The following DPF3 variants were observed in gnomAD, a reference collection of about 807,000 sequenced individuals.
DPF3 encodes the protein double PHD fingers 3.
Under a neutral mutation model 56.8 loss-of-function variants are expected in DPF3, and 18 were observed. The observed-to-expected ratio is 0.32, with a 90% confidence interval of 0.22 to 0.47. The LOEUF (loss-of-function observed/expected upper bound fraction) is 0.47, where lower values mean the gene tolerates loss of function less well. Among genes scored for constraint, DPF3 ranks in the 20% least tolerant of loss-of-function variants. The probability of loss-of-function intolerance (pLI) is 1.00; values close to 1 mark genes in which losing one functional copy is unlikely to be tolerated. For synonymous variants in DPF3, 188 were observed against 180.2 expected, an observed-to-expected ratio of 1.04 and a Z score of -0.35; for missense variants, 403 against 488.8, an observed-to-expected ratio of 0.82 and a Z score of 1.65.
At chr14:72,693,460 C>T (rs1171892090) in intron 6 of DPF3, among the ~76,000 whole-genome samples, 1 of 152,140 alleles carries the variant, frequency 6.6e-6, no homozygotes. Context: ...AGCACTCCAC[C>T]GTTTCTAGCT....
chr14:72,743,374 A>AGCATCACCAGGATGCTG (rs1890205335), intron 3 of DPF3, among the ~76,000 whole-genome samples: 1 of 151,972 alleles, frequency 6.6e-6, no homozygotes, highest in Non-Finnish European at 1.5e-5. Flanking sequence ...CCCCATAGGG[A>AGCATCACCAGGATGCTG]GCATCACCAG....
At chr14:72,675,917 G>T (rs1479753627) in intron 7 of DPF3, 5 of 152,140 alleles carry the variant, frequency 3.3e-5, no homozygotes. Context: ...GAATGCTTTT[G>T]CAAATAATCT....
intron 1 of DPF3, chr14:72,880,001 T>A: frequency 7.0e-7 from 1 of 1,434,576 alleles, no homozygotes; most frequent in Non-Finnish European, 9.1e-7. Context: ...CTGAGTAGCC[T>A]GCACACTAGA....
chr14:72,752,590 G>C (rs1599409713), intron 3 of DPF3, among the ~76,000 whole-genome samples: 2 of 152,190 alleles, frequency 1.3e-5, no homozygotes, highest in African/African-American at 4.8e-5. Context: ...TTGGACTCGG[G>C]AGGCAGAGTC....
At chr14:72,717,885 G>A (rs368181006) in intron 5 of DPF3, among the ~76,000 whole-genome samples, 2 of 152,258 alleles carry the variant, frequency 1.3e-5, no homozygotes, top group East Asian at 3.9e-4. Context: ...CTCTCTACCA[G>A]TATTCCCACA....
At position 72,723,619 on chromosome 14, in the gene DPF3, C is replaced by T; in HGVS notation, c.525+14G>A. 6.4e-7 allele frequency: 1 copy of T among 1,556,922 alleles called. No individual in the cohort carries two copies. The highest frequency in any genetic ancestry group is 1.2e-5 in the South Asian group (1 of 80,842). On this transcript the variant is annotated intron_variant, in intron 5 of 10. Transcript: ENST00000556509. ...CCCTCATCTCTTTCCTCGCTCATGT[C>T]ATCCCCAACTTACCCGTCCTCTAGT...
intron 6 of DPF3, among the ~76,000 whole-genome samples, chr14:72,710,547 C>A (rs1888606688): frequency 6.6e-6 from 1 of 152,212 alleles, no homozygotes. Context: ...CCAGTATACA[C>A]AAGAATCCCC....
intron 5 of DPF3, among the ~76,000 whole-genome samples, chr14:72,719,015 C>G (rs1889056587): frequency 6.6e-6 from 1 of 150,770 alleles, no homozygotes; most frequent in South Asian, 2.1e-4. Flanking sequence ...CGTGATCCAC[C>G]CGCCTTGGCC....
chr14:72,670,193 GA>G (rs1886606691), intron 8 of DPF3: 1 of 985,898 alleles, frequency 1.0e-6, no homozygotes, highest in African/African-American at 1.7e-5. Context: ...GGAAACACAC[GA>G]TGATGTCTCC....
At chr14:72,711,573 G>A (rs1327495799) in intron 6 of DPF3, among the ~76,000 whole-genome samples, 1 of 152,130 alleles carries the variant, frequency 6.6e-6, no homozygotes, top group African/African-American at 2.4e-5. Flanking sequence ...GGAGTGCCAT[G>A]CTTAAGTGTA....
chr14:72,655,505 G>A (rs910125184), intron 8 of DPF3, among the ~76,000 whole-genome samples: 2 of 152,146 alleles, frequency 1.3e-5, no homozygotes, highest in African/African-American at 4.8e-5. Flanking sequence ...AAACTGGAGT[G>A]GAATTCAGAT....
chr14:72,864,571 C>T (rs1233821960), intron 1 of DPF3, among the ~76,000 whole-genome samples: 1 of 152,206 alleles, frequency 6.6e-6, no homozygotes, highest in African/African-American at 2.4e-5. Flanking sequence ...TTCTTCCCCT[C>T]CTACAAGATT....
chr14:72,760,134 C>A (rs574280454), intron 2 of DPF3, among the ~76,000 whole-genome samples: 5 of 152,238 alleles, frequency 3.3e-5, no homozygotes, highest in South Asian at 2.1e-4. Flanking sequence ...AGATGTTTTT[C>A]TTATTATTTT....
chr14:72,715,660 C>T (rs1487617972), intron 5 of DPF3, among the ~76,000 whole-genome samples: 1 of 152,000 alleles, frequency 6.6e-6, no homozygotes, highest in African/African-American at 2.4e-5. Context: ...ACTCCATGTA[C>T]ACACTCACCG....
At chr14:72,710,925 T>C (rs1743292628) in intron 6 of DPF3, among the ~76,000 whole-genome samples, 1 of 152,216 alleles carries the variant, frequency 6.6e-6, no homozygotes, top group Non-Finnish European at 1.5e-5. Context: ...TTCAGGTGAT[T>C]TAACATTTCT....
chr14:72,657,944 C>A (rs1303802425), intron 8 of DPF3, among the ~76,000 whole-genome samples: 1 of 152,166 alleles, frequency 6.6e-6, no homozygotes, highest in African/African-American at 2.4e-5. Flanking sequence ...ATAACCTCCT[C>A]TCCAACCCAA....
At chr14:72,841,109 G>A (rs1884526831) in intron 1 of DPF3, among the ~76,000 whole-genome samples, 1 of 151,894 alleles carries the variant, frequency 6.6e-6, no homozygotes, top group Non-Finnish European at 1.5e-5. Flanking sequence ...TGAGGGAGCA[G>A]TGTGTGAAAT....
At chr14:72,859,661 G>A (rs991460789) in intron 1 of DPF3, among the ~76,000 whole-genome samples, 1 of 152,148 alleles carries the variant, frequency 6.6e-6, no homozygotes, top group African/African-American at 2.4e-5. Flanking sequence ...AGAACAGCTT[G>A]ACTACTGGGG....
chr14:72,806,049 T>C (rs1387375112), intron 1 of DPF3: 1 of 152,204 alleles, frequency 6.6e-6, no homozygotes, highest in Non-Finnish European at 1.5e-5. Flanking sequence ...CTCCTTTCCC[T>C]TCACCTTCCT....
Sources: allele counts gnomAD v4.1 joint callset (sites outside exome capture counted in the v4.1 genomes callset), GRCh38; gene constraint gnomAD v4.1.1; transcripts MANE v1.5; gene names NCBI Gene and HGNC (gene_info 2026-07-23, HGNC 2026-07-21).